The following DENND4A variants were observed in gnomAD, a reference collection of about 807,000 sequenced individuals.
DENND4A encodes the protein C-myc promoter-binding protein.
DENND4A carries 70 observed loss-of-function variants against 199.3 expected under a neutral mutation model. That is an observed-to-expected ratio of 0.35 (90% confidence interval 0.29 to 0.43). The LOEUF is 0.43. Among genes scored for constraint, DENND4A ranks in the 20% least tolerant of loss-of-function variants. DENND4A has a pLI of 1.00. For synonymous variants in DENND4A, 686 were observed against 766.9 expected (o/e 0.89, Z 1.74); for missense variants, 1,723 against 2,255.8 (o/e 0.76, Z 4.78).
At chr15:65,718,114 T>A (rs781013845) in intron 12 of DENND4A, 118 bp from the exon 13 acceptor site, 2 of 728,878 alleles carry the variant, frequency 2.7e-6, no homozygotes, top group Non-Finnish European at 4.4e-6. Flanking sequence ...TTTGTTTACA[T>A]AACTTAATCA....
intron 7 of DENND4A, among the ~76,000 whole-genome samples, chr15:65,734,569 G>A (rs575410701): frequency 2.0e-5 from 3 of 151,758 alleles, no homozygotes; most frequent in Admixed American, 6.6e-5. Context: ...CAAGTCTCTT[G>A]TTCCACCTAA....
At chr15:65,746,875 T>C (rs2076414283) in intron 4 of DENND4A, among the ~76,000 whole-genome samples, 1 of 150,696 alleles carries the variant, frequency 6.6e-6, no homozygotes, top group African/African-American at 2.4e-5. Context: ...AAGACCAGCC[T>C]GGCCAATATG....
intron 22 of DENND4A, among the ~76,000 whole-genome samples, chr15:65,692,461 ATTC>A (rs907115409): frequency 1.3e-5 from 2 of 152,180 alleles, no homozygotes; most frequent in African/African-American, 4.8e-5. Context: ...ATCATCAACT[ATTC>A]TTCTTACATG....
chr15:65,782,940 C>A (rs1239561499), intron 1 of DENND4A, among the ~76,000 whole-genome samples: 1 of 148,718 alleles, frequency 6.7e-6, no homozygotes, highest in Non-Finnish European at 1.5e-5. Context: ...GACTAAACCT[C>A]AGGAAATACT....
chr15:65,752,281 CAAAAAAAAAAAAAAAAAA>C lies in DENND4A; in HGVS notation c.561+80_561+97del, dbSNP rs61418354. On this transcript the variant is annotated intron_variant, in intron 4 of 32. Coordinates refer to ENST00000443035, the MANE Select transcript of DENND4A (RefSeq NM_001320835.1). Reference sequence around the variant, plus strand: ...TCTGTAATTAAACTATGCTGTTTTCCAAAAAAAAAAAAAAAAAAAAAAAAAAAAAAAAGATGTATTTAA... The same window carrying C: ...TCTGTAATTAAACTATGCTGTTTTCCAAAAAAAAAAAAAAGATGTATTTAA... 46 of 272,674 alleles carry C rather than the reference CAAAAAAAAAAAAAAAAAA, an allele frequency of 1.7e-4. No individual in the cohort carries two copies. The East Asian group carries it at 3.7e-3, about 22-fold the overall frequency. 16.9% of individuals were successfully genotyped at this position (272,674 alleles called of 1,614,324 possible).
chr15:65,683,337 T>G (rs1300819502), intron 23 of DENND4A, among the ~76,000 whole-genome samples: 3 of 152,232 alleles, frequency 2.0e-5, no homozygotes, highest in Non-Finnish European at 4.4e-5. Context: ...AGAATCAGCT[T>G]TTGGTTTTAT....
At chr15:65,715,436 A>G (rs754790289) in intron 14 of DENND4A, 42 bp downstream of exon 14, 2 of 1,542,592 alleles carry the variant, frequency 1.3e-6, no homozygotes, top group Non-Finnish European at 1.7e-6. Context: ...TATAACAGTC[A>G]CACAAAATAA....
chr15:65,690,273 T>G, intron 23 of DENND4A, 142 bp downstream of exon 23: 1 of 802,810 alleles, frequency 1.2e-6, no homozygotes, highest in Non-Finnish European at 1.8e-6. Context: ...GTTCCAATTC[T>G]GATACTTACA....
rs566161646 is a variant in DENND4A, at chr15:65,757,944, G to A, written c.-22-1472C>T. Among the ~76,000 whole-genome samples, 31 of 152,120 alleles carry A rather than the reference G, an allele frequency of 2.0e-4. No individual in the cohort carries two copies. The East Asian group carries it at 4.1e-3, about 20-fold the overall frequency. ...TGTGGTGAGCTGAGATCGCACCATT[G>A]CACTCCAGCCTGGGCAACAAGAGCG... On this transcript the variant is annotated intron_variant, in intron 2 of 32. Coordinates refer to ENST00000443035, the MANE Select transcript of DENND4A (RefSeq NM_001320835.1).
intron 18 of DENND4A, 37 bp from the exon 19 acceptor site, chr15:65,701,229 A>T: frequency 6.9e-7 from 1 of 1,456,456 alleles, no homozygotes; most frequent in Non-Finnish European, 9.2e-7. Context: ...TAGTAAAATA[A>T]TTTTTATAAG....
intron 1 of DENND4A, among the ~76,000 whole-genome samples, chr15:65,765,170 C>G (rs1403592185): frequency 3.3e-5 from 5 of 152,170 alleles, no homozygotes; most frequent in African/African-American, 1.2e-4. Flanking sequence ...TGACACAAAA[C>G]TGGCATCACT....
rs774636918 is a variant in DENND4A at position 65,701,645 on chromosome 15, T to G, written c.2559+117A>C. Reference sequence around the variant, plus strand: ...CTAAAGTCTTCCTTGATTGACAAAATGTATTTTATATACTCTAAAATAAAT... The same window carrying G: ...CTAAAGTCTTCCTTGATTGACAAAAGGTATTTTATATACTCTAAAATAAAT... On this transcript the variant is annotated intron_variant, in intron 18 of 32. Transcript: ENST00000443035. The G allele has an allele frequency of 6.5e-6, 6 of 928,132 alleles. No individual in the cohort carries two copies. In the African/African-American group the frequency reaches 1.0e-4, roughly 16 times the overall value. 57.5% of individuals were successfully genotyped at this position (928,132 alleles called of 1,614,324 possible).
chr15:65,721,981 T>C (rs2075659503), intron 12 of DENND4A, among the ~76,000 whole-genome samples: 1 of 152,202 alleles, frequency 6.6e-6, no homozygotes, highest in African/African-American at 2.4e-5. Context: ...ATTTTCATTT[T>C]GATTAATTTC....
intron 22 of DENND4A, among the ~76,000 whole-genome samples, chr15:65,696,068 C>A (rs1382281723): frequency 6.6e-6 from 1 of 151,994 alleles, no homozygotes; most frequent in Non-Finnish European, 1.5e-5. Flanking sequence ...GTGTATGGTA[C>A]CCTCAGACTC....
chr15:65,755,707 A>C (rs983215049), intron 3 of DENND4A, among the ~76,000 whole-genome samples: 1 of 152,218 alleles, frequency 6.6e-6, no homozygotes, highest in Non-Finnish European at 1.5e-5. Context: ...TTGAGGCTGT[A>C]GTGAGCTATG....
At chr15:65,728,864 T>G (rs958566358) in intron 11 of DENND4A, 2 of 600,354 alleles carry the variant, frequency 3.3e-6, no homozygotes, top group African/African-American at 3.7e-5. Context: ...ATGAAAGGTA[T>G]AGTCCTTCCA....
intron 4 of DENND4A, among the ~76,000 whole-genome samples, chr15:65,746,344 C>T (rs1303236580): frequency 7.3e-6 from 1 of 137,306 alleles, no homozygotes; most frequent in Non-Finnish European, 1.6e-5. Context: ...AATTACTTCC[C>T]TTGTTAACAA....
At chr15:65,737,977 A>C in intron 6 of DENND4A, 32 bp from the exon 7 acceptor site, 1 of 1,531,668 alleles carries the variant, frequency 6.5e-7, no homozygotes, top group Non-Finnish European at 8.8e-7. Flanking sequence ...CAGTAAATAT[A>C]CTTTGTATCA....
intron 20 of DENND4A, among the ~76,000 whole-genome samples, chr15:65,699,109 T>C (rs2077259866): frequency 6.6e-6 from 1 of 152,142 alleles, no homozygotes; most frequent in South Asian, 2.1e-4. Context: ...TGCCAAAGGA[T>C]AACTATTGTA....
Sources: gnomAD v4.1 joint callset for allele counts (sites outside exome capture counted in the v4.1 genomes callset) on GRCh38, gnomAD v4.1.1 for gene constraint, MANE v1.5 for transcripts, NCBI Gene and HGNC (gene_info 2026-07-23, HGNC 2026-07-21) for gene names.